The following NLRP12 variants were observed in gnomAD, a reference collection of about 807,000 sequenced individuals.
NLRP12 encodes NACHT, LRR and PYD domains-containing protein 12.
Under a neutral mutation model 91.2 loss-of-function variants are expected in NLRP12, and 108 were observed. The observed-to-expected ratio is 1.18, with a 90% CI of 1.01 to 1.39. NLRP12 has a LOEUF of 1.39. Among genes scored for constraint, NLRP12 ranks in the 40% most tolerant of loss-of-function variants. The pLI is 0.00. For synonymous variants in NLRP12, 613 were observed against 566.7 expected (o/e 1.08, Z -1.16); for missense variants, 1,530 against 1,352.7 (o/e 1.13, Z -2.06).
At position 53,810,868 on chromosome 19, in the gene NLRP12, A is replaced by G. The variant is rs1210279950; in HGVS notation, c.791T>C (p.Met264Thr). 1 of 1,614,108 alleles carries G rather than the reference A, an allele frequency of 6.2e-7. No individual in the cohort carries two copies. ...CCAGCAGCTGAAGATGAGGTCTTGC[A>G]TGCTGCATTCCGTGGCACTCTGGTT... Reference protein sequence around the residue: ...EMNQSATECSMQDLIFSCWPE... With the variant: ...EMNQSATECSTQDLIFSCWPE... Residue 264 changes from methionine to threonine, a missense_variant, in exon 3 of 10, where the codon ATG becomes ACG. Transcript: ENST00000324134.
intron 9 of NLRP12, among the ~76,000 whole-genome samples, chr19:53,794,844 G>C (rs1001066956): frequency 6.6e-6 from 1 of 151,606 alleles, no homozygotes; most frequent in Admixed American, 6.6e-5. Context: ...TTTTTGCATA[G>C]AGCCACCCGC....
At chr19:53,815,855 C>G (rs1599856268) in intron 1 of NLRP12, among the ~76,000 whole-genome samples, 1 of 151,976 alleles carries the variant, frequency 6.6e-6, no homozygotes, top group African/African-American at 2.4e-5. Context: ...CGTGATCCAC[C>G]CAACTCGGCC....
chr19:53,819,272 C>G (rs1189241677), intron 1 of NLRP12, among the ~76,000 whole-genome samples: 1 of 150,202 alleles, frequency 6.7e-6, no homozygotes, highest in African/African-American at 2.4e-5. Context: ...GAGATGGAGT[C>G]TCGCTTTTGT....
chr19:53,819,055 G>T (rs1432404559), intron 1 of NLRP12, among the ~76,000 whole-genome samples: 1 of 152,064 alleles, frequency 6.6e-6, no homozygotes, highest in African/African-American at 2.4e-5. Flanking sequence ...ATGCAGTCCG[G>T]GGAAGAACGC....
At chr19:53,821,031 CTTTT>C (rs1158419664) in intron 1 of NLRP12, among the ~76,000 whole-genome samples, 7 of 81,272 alleles carry the variant, frequency 8.6e-5, no homozygotes, top group South Asian at 9.0e-4. Flanking sequence ...CATATTTTTT[CTTTT>C]TTTTTTTTTT....
chr19:53,820,270 C>G (rs2092246569), intron 1 of NLRP12, among the ~76,000 whole-genome samples: 1 of 152,114 alleles, frequency 6.6e-6, no homozygotes, highest in African/African-American at 2.4e-5. Context: ...TGGCTCACGC[C>G]TGTAATTCCA....
intron 1 of NLRP12, among the ~76,000 whole-genome samples, chr19:53,821,042 T>C (rs1599870774): frequency 7.3e-6 from 1 of 136,250 alleles, no homozygotes; most frequent in African/African-American, 2.8e-5. Flanking sequence ...TTTTTTTTTT[T>C]TTTTTTTTTT....
intron 7 of NLRP12, among the ~76,000 whole-genome samples, chr19:53,799,806 G>A (rs1036165640): frequency 1.3e-5 from 2 of 152,066 alleles, no homozygotes; most frequent in African/African-American, 4.8e-5. Flanking sequence ...AAATGATGCT[G>A]AGGGGGAAGT....
At chr19:53,814,708 C>G (rs1022346665) in intron 2 of NLRP12, among the ~76,000 whole-genome samples, 200 bp downstream of exon 2, 4 of 152,080 alleles carry the variant, frequency 2.6e-5, no homozygotes, top group African/African-American at 9.7e-5. Flanking sequence ...CATCTTTCAG[C>G]CAGGAGATGA....
At chr19:53,816,327 C>T (rs926761611) in intron 1 of NLRP12, among the ~76,000 whole-genome samples, 1 of 152,028 alleles carries the variant, frequency 6.6e-6, no homozygotes, top group Non-Finnish European at 1.5e-5. Flanking sequence ...AAAGAACATC[C>T]TTTTGAAGGA....
intron 7 of NLRP12, among the ~76,000 whole-genome samples, chr19:53,799,371 T>C (rs2122543959): frequency 6.6e-6 from 1 of 152,232 alleles, no homozygotes; most frequent in South Asian, 2.1e-4. Flanking sequence ...ATACACAAAG[T>C]GTGTTTTTTG....
At chr19:53,795,363 C>T (rs8182592) in intron 9 of NLRP12, among the ~76,000 whole-genome samples, 1 of 143,436 alleles carries the variant, frequency 7.0e-6, no homozygotes, top group Non-Finnish European at 1.5e-5. Context: ...CGATGGTCCC[C>T]TTCAACAGAC....
intron 1 of NLRP12, among the ~76,000 whole-genome samples, chr19:53,820,694 T>C (rs575286314): frequency 6.8e-6 from 1 of 147,432 alleles, no homozygotes; most frequent in Non-Finnish European, 1.5e-5. Context: ...ATAAATTATT[T>C]TTTTTTTTTT....
chr19:53,808,926 G>A (rs1056391978), intron 3 of NLRP12, among the ~76,000 whole-genome samples: 7 of 151,864 alleles, frequency 4.6e-5, no homozygotes, highest in Admixed American at 3.3e-4. Flanking sequence ...TCCAAACATC[G>A]CCAAATGTCA....
intron 1 of NLRP12, among the ~76,000 whole-genome samples, chr19:53,820,819 C>A (rs2122773631): frequency 6.6e-6 from 1 of 150,832 alleles, no homozygotes; most frequent in South Asian, 2.1e-4. Flanking sequence ...TCCTGAGTAG[C>A]TGGGACTACA....
At position 53,807,612 on chromosome 19, in the gene NLRP12, A is replaced by G. The variant is rs548404405; in HGVS notation, c.2126T>C (p.Leu709Pro). 4.3e-6 allele frequency: 7 copies of G among 1,614,152 alleles called. No homozygotes were observed. In the East Asian group the frequency reaches 1.6e-4, roughly 36 times the overall value. Residue 709 changes from leucine (L) to proline (P), a missense_variant, in exon 4 of 10, where the codon CTG becomes CCG. Leu to Pro is a moderately conservative substitution (Grantham distance 98). Transcript: ENST00000324134. ...CTCTATCAGGTTTGGATTGGTGCAC[A>G]GGGCCGCTGCCAGATGTTCACTGTA... is the stretch of plus-strand genomic sequence containing the variant. ...DAYSEHLAAA[L>P]CTNPNLIELS... is the part of the protein sequence containing the mutation.
chr19:53,794,153 T>C lies in NLRP12; in HGVS notation c.3099-17A>G. On this transcript the variant is annotated splice_polypyrimidine_tract_variant and intron_variant, in intron 9 of 9. Coordinates refer to ENST00000324134, the MANE Select transcript of NLRP12 (RefSeq NM_144687.4). The stretch of plus-strand genomic sequence containing the variant: ...CCAAATAACCTGTGGACACAAGAGT[T>C]GATATTATTCCAGTGTACTACTGTG... 1 of 1,546,526 alleles carries C rather than the reference T, an allele frequency of 6.5e-7. No individual in the cohort carries two copies. The highest frequency in any genetic ancestry group is 8.9e-7 in the Non-Finnish European group (1 of 1,118,316).
intron 4 of NLRP12, among the ~76,000 whole-genome samples, chr19:53,807,180 G>C (rs938978829): frequency 1.3e-5 from 2 of 151,776 alleles, no homozygotes; most frequent in African/African-American, 2.4e-5. Context: ...CGATTCTCCT[G>C]CCTCAGCCTC....
chr19:53,795,107 CGTGTGTGTGTGTGTGTGTGTGT>C (rs56027837), intron 9 of NLRP12, among the ~76,000 whole-genome samples: 3 of 85,444 alleles, frequency 3.5e-5, no homozygotes, highest in African/African-American at 9.5e-5. Context: ...CTGGTGTGTG[CGTGTGTGTGTGTGTGTGTGTGT>C]GTGTGTGTAA....
Sources: gnomAD v4.1 joint callset for allele counts (sites outside exome capture counted in the v4.1 genomes callset) on GRCh38, gnomAD v4.1.1 for gene constraint, MANE v1.5 for transcripts, NCBI Gene and HGNC (gene_info 2026-07-23, HGNC 2026-07-21) for gene names.